Variants in PREX1 observed in about 807,000 individuals in gnomAD.
PREX1 encodes phosphatidylinositol-3,4,5-trisphosphate dependent Rac exchange factor 1.
PREX1 carries 41 observed loss-of-function variants against 198.3 expected under a neutral mutation model. The observed-to-expected ratio is 0.21, with a 90% CI of 0.16 to 0.27. The LOEUF is 0.27. PREX1 is among the 10% of genes least tolerant of loss of function. The pLI, the probability that PREX1 is intolerant of heterozygous loss-of-function variation, is 1.00. For synonymous variants in PREX1, 843 were observed against 887.2 expected, an observed-to-expected ratio of 0.95 and a Z score of 0.89; for missense variants, 1,620 against 2,200.7, an observed-to-expected ratio of 0.74 and a Z score of 5.28.
Position 48,666,458 on chromosome 20 carries a change from G to A in PREX1, c.1666-103C>T. The A allele has an allele frequency of 1.1e-6, 1 of 928,486 alleles. No individual in the cohort carries two copies. Among genetic ancestry groups the A allele is most frequent in the Non-Finnish European group, 1.7e-6 (1 of 598,020 alleles). 57.5% of individuals were successfully genotyped at this position (928,486 alleles called of 1,614,324 possible). A position where few individuals can be genotyped will look rare whatever the true frequency, so the allele number is the denominator to read the frequency against. ...CCACCCAAGAAGGTAGGCTCCACGA[G>A]GGCCAGGGGTTGTCTGTTTTGTTTA... On this transcript the variant is annotated intron_variant, in intron 14 of 39. Transcript: ENST00000371941. The surrounding 1 kb of genome is among the most constrained non-coding windows in gnomAD (Gnocchi z 4.3).
intron 4 of PREX1, among the ~76,000 whole-genome samples, chr20:48,732,888 AGTAGGAT>A (rs2090040947): frequency 6.6e-6 from 1 of 152,142 alleles, no homozygotes; most frequent in South Asian, 2.1e-4. Flanking sequence ...ACCACCTGGA[AGTAGGAT>A]GTAGTCAAAG....
chr20:48,648,672 C>T (rs927292018), intron 25 of PREX1, among the ~76,000 whole-genome samples: 1 of 152,212 alleles, frequency 6.6e-6, no homozygotes, highest in Non-Finnish European at 1.5e-5. Flanking sequence ...TCAGAGGCTG[C>T]ATCTGGCAGG....
At position 48,628,726 on chromosome 20, in the gene PREX1, C is replaced by T. The variant is rs183227489; in HGVS notation, c.4766+723G>A. Among the ~76,000 whole-genome samples, 25 of 152,292 alleles carry T rather than the reference C, an allele frequency of 1.6e-4. 1 individual carries two copies. The highest frequency in any genetic ancestry group is 9.1e-4 in the Admixed American group (14 of 15,306). On this transcript the variant is annotated intron_variant, in intron 37 of 39. Coordinates refer to ENST00000371941, the MANE Select transcript of PREX1 (RefSeq NM_020820.4). ...CCACTACTGCACTGGTAGAGAAAGA[C>T]GGAAAGGAGTTAATCTGCATGGAAC...
chr20:48,656,618 G>A (rs936822480), intron 18 of PREX1: 56 of 450,210 alleles, frequency 1.2e-4, no homozygotes, highest in South Asian at 7.7e-4. Context: ...ATCTGCTTCG[G>A]GTCTTCACCC....
chr20:48,865,493 G>T, the PREX1 span, among the ~76,000 whole-genome samples: 100 of 152,258 alleles, frequency 6.6e-4, 2 homozygotes, highest in South Asian at 0.015. Context: ...TGTTAAGGGT[G>T]AAAAAGAAAG....
In PREX1 at chr20:48,777,482, G is replaced by A. The variant is rs1435794196; in HGVS notation, c.220-29602C>T. ...AGTGCCTACAGACAGGGCCTCCGGC[G>A]GAATCCAAGGCTCCCTAACATCACA... On this transcript the variant is annotated intron_variant, in intron 1 of 39. Transcript: ENST00000371941. Among the ~76,000 whole-genome samples the A allele has an allele frequency of 5.3e-5, 8 of 152,008 alleles. No homozygotes were observed. In the South Asian group the frequency reaches 8.3e-4, roughly 16 times the overall value.
chr20:48,658,257 T>A (rs763213882), intron 16 of PREX1, 29 bp from the exon 17 acceptor site: 2 of 1,610,576 alleles, frequency 1.2e-6, no homozygotes, highest in Middle Eastern at 1.7e-4. Context: ...AGGAACCCGG[T>A]CAGGGAGCGA....
intron 25 of PREX1, among the ~76,000 whole-genome samples, chr20:48,647,390 G>A (rs980476198): frequency 1.2e-4 from 18 of 149,946 alleles, no homozygotes; most frequent in Non-Finnish European, 1.8e-4. Context: ...GAGTGGTGGC[G>A]TGTGCCTATA....
At chr20:48,840,289 A>G in the PREX1 span, among the ~76,000 whole-genome samples, 1 of 151,590 alleles carries the variant, frequency 6.6e-6, no homozygotes, top group Non-Finnish European at 1.5e-5. Flanking sequence ...TGCTAGGGTT[A>G]CAGGTGTGAG....
the PREX1 span, among the ~76,000 whole-genome samples, chr20:48,858,075 A>C: frequency 1.3e-5 from 2 of 152,356 alleles, no homozygotes; most frequent in South Asian, 4.1e-4. Flanking sequence ...CTTCCCGGCC[A>C]CTGTAAGAAA....
chr20:48,627,893 T>C lies in PREX1; in HGVS notation c.4837A>G (p.Ile1613Val), dbSNP rs1341822021. ...ARSHGLLPKC[I>V]MQATDIMRKQ... ...CGCATGATGTCCGTGGCCTGCATGA[T>C]GCACTTGGGCAGCAACCCGTGGCTC... The change falls in exon 38 of 40, where the codon ATC becomes GTC. Residue 1613 changes from isoleucine to valine, a missense_variant. Transcript: ENST00000371941. 1 of 1,613,032 alleles carries C rather than the reference T, an allele frequency of 6.2e-7. No individual in the cohort carries two copies. Among genetic ancestry groups the C allele is most frequent in the Non-Finnish European group, 8.5e-7 (1 of 1,179,888 alleles).
At chr20:48,653,229 T>G (rs2122906946) in intron 20 of PREX1, 132 bp downstream of exon 20, 4 of 1,372,002 alleles carry the variant, frequency 2.9e-6, no homozygotes, top group South Asian at 1.4e-5. Context: ...CTCCCTCTTG[T>G]TGGGTCAGCA....
chr20:48,750,175 T>A (rs2090127926), intron 1 of PREX1, among the ~76,000 whole-genome samples: 1 of 152,060 alleles, frequency 6.6e-6, no homozygotes, highest in Non-Finnish European at 1.5e-5. Context: ...TCAGCAAATG[T>A]TACCAGCTTT....
intron 29 of PREX1, among the ~76,000 whole-genome samples, chr20:48,640,104 T>C (rs530470644): frequency 3.3e-5 from 5 of 152,266 alleles, no homozygotes; most frequent in African/African-American, 1.2e-4. Flanking sequence ...TTCATCAATC[T>C]CAGCACTCCT....
At chr20:48,847,364 T>TAAAAAAAAAAAAAAAAAAAAAAAAAA in the PREX1 span, among the ~76,000 whole-genome samples, 5 of 77,224 alleles carry the variant, frequency 6.5e-5, no homozygotes, top group Non-Finnish European at 1.0e-4. Context: ...CCTTCTCTTA[T>TAAAAAAAAAAAAAAAAAAAAAAAAAA]AAAAAAAAAA....
intron 1 of PREX1, among the ~76,000 whole-genome samples, chr20:48,763,376 C>T (rs2090192809): frequency 6.6e-6 from 1 of 152,166 alleles, no homozygotes; most frequent in Non-Finnish European, 1.5e-5. Context: ...GCATTTCCCG[C>T]CGGAATGTCC....
chr20:48,658,287 C>A, intron 16 of PREX1, 59 bp from the exon 17 acceptor site: 1 of 1,544,050 alleles, frequency 6.5e-7, no homozygotes, highest in South Asian at 1.1e-5. Context: ...ACGGCCAGCC[C>A]CACCGTGGCC....
chr20:48,700,354 G>A (rs73148041), intron 7 of PREX1, among the ~76,000 whole-genome samples: 23,478 of 152,124 alleles, frequency 0.15, 2,174 homozygotes, highest in Middle Eastern at 0.28. Flanking sequence ...ACGTACCCAC[G>A]ACAAATTTAG....
At chr20:48,800,128 T>A (rs6012533) in intron 1 of PREX1, among the ~76,000 whole-genome samples, 30,217 of 152,132 alleles carry the variant, frequency 0.2, 3,298 homozygotes, top group Middle Eastern at 0.3. Flanking sequence ...TAAACTTCAC[T>A]ACAACCCTTA....
Sources: allele counts gnomAD v4.1 joint callset (sites outside exome capture counted in the v4.1 genomes callset), GRCh38; gene constraint gnomAD v4.1.1; non-coding constraint Gnocchi (gnomAD v3.1); transcripts MANE v1.5; gene names NCBI Gene and HGNC (gene_info 2026-07-23, HGNC 2026-07-21).